The following CNTNAP2 variants were observed in gnomAD, a reference collection of about 807,000 sequenced individuals.
The protein encoded by CNTNAP2 is contactin-associated protein-like 2.
CNTNAP2 carries 98 observed loss-of-function variants against 155.2 expected under a neutral mutation model. The observed-to-expected ratio is 0.63, with a 90% CI of 0.54 to 0.75. CNTNAP2 has a LOEUF of 0.75. Ranked by LOEUF, CNTNAP2 falls within the 30% of genes least tolerant of loss-of-function variation. The pLI is 0.00. For synonymous variants in CNTNAP2, 651 were observed against 631.2 expected (o/e 1.03, Z -0.47); for missense variants, 1,727 against 1,688.1 (o/e 1.02, Z -0.40).
intron 8 of CNTNAP2, among the ~76,000 whole-genome samples, chr7:147,161,144 G>C (rs1439619302): frequency 6.6e-6 from 1 of 152,052 alleles, no homozygotes; most frequent in Non-Finnish European, 1.5e-5. Context: ...TGGGTAACTT[G>C]GTAAGTGATG....
intron 11 of CNTNAP2, among the ~76,000 whole-genome samples, chr7:147,519,428 T>G (rs1799192126): frequency 1.3e-5 from 2 of 152,238 alleles, no homozygotes. Context: ...TCAAGATCCT[T>G]AACCTAATCA....
intron 1 of CNTNAP2, among the ~76,000 whole-genome samples, chr7:146,488,538 C>T (rs1417782242): frequency 6.6e-6 from 1 of 151,932 alleles, no homozygotes; most frequent in Admixed American, 6.6e-5. Context: ...CTCACCTGCT[C>T]CTCCTACCTT....
chr7:147,178,154 T>C (rs1233613265), intron 8 of CNTNAP2, among the ~76,000 whole-genome samples: 2 of 152,100 alleles, frequency 1.3e-5, no homozygotes, highest in African/African-American at 4.8e-5. Context: ...ATTACAGACC[T>C]TGAGATGGAG....
intron 1 of CNTNAP2, among the ~76,000 whole-genome samples, chr7:146,446,495 C>G (rs1022768415): frequency 6.6e-6 from 1 of 152,078 alleles, no homozygotes; most frequent in Non-Finnish European, 1.5e-5. Flanking sequence ...GTCAGTTTCA[C>G]ATCAGTGAAC....
At chr7:147,484,567 A>T (rs1010040937) in intron 10 of CNTNAP2, among the ~76,000 whole-genome samples, 9 of 152,224 alleles carry the variant, frequency 5.9e-5, no homozygotes, top group Non-Finnish European at 1.3e-4. Flanking sequence ...TGCTGTGCAT[A>T]TAGCAGGTGC....
chr7:147,616,593 T>C (rs929937501), intron 12 of CNTNAP2, among the ~76,000 whole-genome samples: 1 of 152,190 alleles, frequency 6.6e-6, no homozygotes, highest in African/African-American at 2.4e-5. Flanking sequence ...GATCTTCATA[T>C]CATTCCGAAA....
intron 10 of CNTNAP2, among the ~76,000 whole-genome samples, chr7:147,433,364 T>C (rs761227744): frequency 1.3e-5 from 2 of 152,114 alleles, no homozygotes; most frequent in East Asian, 1.9e-4. Flanking sequence ...CTGAAACTGA[T>C]TGGAGTTGGG....
chr7:147,925,611 C>T (rs986768187), intron 14 of CNTNAP2, among the ~76,000 whole-genome samples: 3 of 151,726 alleles, frequency 2.0e-5, no homozygotes, highest in Admixed American at 1.3e-4. Context: ...GGACTACAGG[C>T]GCCCGCCACT....
intron 10 of CNTNAP2, among the ~76,000 whole-genome samples, chr7:147,405,290 A>T (rs1796986958): frequency 6.6e-6 from 1 of 152,194 alleles, no homozygotes; most frequent in Admixed American, 6.5e-5. Flanking sequence ...AGAGCAATTG[A>T]TTTTAAAACA....
intron 14 of CNTNAP2, among the ~76,000 whole-genome samples, chr7:147,906,994 G>A (rs1019397503): frequency 5.3e-5 from 8 of 152,072 alleles, no homozygotes; most frequent in Non-Finnish European, 8.8e-5. Flanking sequence ...CTTTGCTTCC[G>A]TAAAGTTTGT....
At chr7:146,292,585 TA>T (rs144828918) in intron 1 of CNTNAP2, among the ~76,000 whole-genome samples, 5,690 of 152,218 alleles carry the variant, frequency 0.037, 167 homozygotes, top group African/African-American at 0.077. Context: ...CCTCAGATAT[TA>T]AAAATAGAAC....
intron 13 of CNTNAP2, among the ~76,000 whole-genome samples, chr7:147,771,276 AC>A (rs888320252): frequency 3.9e-5 from 6 of 152,198 alleles, no homozygotes; most frequent in African/African-American, 1.2e-4. Flanking sequence ...AATCTTAATA[AC>A]CTCAGGTTAG....
At chr7:147,992,917 G>A (rs531929714) in intron 15 of CNTNAP2, among the ~76,000 whole-genome samples, 7 of 152,058 alleles carry the variant, frequency 4.6e-5, no homozygotes, top group African/African-American at 7.2e-5. Context: ...TACCCTAATC[G>A]ATTTTGTTTT....
chr7:147,804,189 C>T (rs1320817751), intron 13 of CNTNAP2, among the ~76,000 whole-genome samples: 1 of 152,182 alleles, frequency 6.6e-6, no homozygotes, highest in African/African-American at 2.4e-5. Context: ...AAGGGATCTA[C>T]TACTATGACT....
rs372847032 is a variant in CNTNAP2 at position 146,178,268 on chromosome 7, C to T, written c.97+61295C>T. On this transcript the variant is annotated intron_variant, in intron 1 of 23. Transcript: ENST00000361727. ...CAGGATGCTTTCAATCTACCGACCT[C>T]GTGATCCGCCTGCCTTGGCCTCCCA... Among the ~76,000 whole-genome samples, 36 of 152,260 alleles carry T rather than the reference C, an allele frequency of 2.4e-4. No homozygotes were observed. The East Asian group carries it at 2.5e-3, about 11-fold the overall frequency.
At chr7:146,577,541 C>T (rs544639325) in intron 1 of CNTNAP2, among the ~76,000 whole-genome samples, 4 of 151,576 alleles carry the variant, frequency 2.6e-5, no homozygotes, top group African/African-American at 9.7e-5. Context: ...TTTTTTGTTT[C>T]GTGATTAATT....
At chr7:146,983,276 A>G (rs930967619) in intron 3 of CNTNAP2, among the ~76,000 whole-genome samples, 39 of 152,172 alleles carry the variant, frequency 2.6e-4, no homozygotes, top group Admixed American at 7.2e-4. Flanking sequence ...TATTCATTTC[A>G]TGTTTTTGAT....
intron 11 of CNTNAP2, among the ~76,000 whole-genome samples, chr7:147,543,296 C>T (rs778359292): frequency 6.6e-6 from 1 of 152,186 alleles, no homozygotes; most frequent in Non-Finnish European, 1.5e-5. Flanking sequence ...CTTAAGAATG[C>T]CTTTAAGCGG....
chr7:146,650,900 A>G (rs576455414), intron 1 of CNTNAP2, among the ~76,000 whole-genome samples: 1 of 152,156 alleles, frequency 6.6e-6, no homozygotes, highest in Non-Finnish European at 1.5e-5. Context: ...AGGCACCTGT[A>G]TCGCAACTAT....
Sources: gnomAD v4.1 joint callset for allele counts (sites outside exome capture counted in the v4.1 genomes callset) on GRCh38, gnomAD v4.1.1 for gene constraint, MANE v1.5 for transcripts, NCBI Gene and HGNC (gene_info 2026-07-23, HGNC 2026-07-21) for gene names.